The following ANK3 variants were observed in gnomAD, a reference collection of about 807,000 sequenced individuals.
ANK3 encodes the protein ankyrin 3.
ANK3 carries 57 observed loss-of-function variants against 370.9 expected under a neutral mutation model. The ratio of observed to expected loss-of-function variants is 0.15; its 90% CI spans 0.12 to 0.19. The LOEUF is 0.19. ANK3 is among the 10% of genes least tolerant of loss of function. The pLI, the probability that ANK3 is intolerant of heterozygous loss-of-function variation, is 1.00. For synonymous variants in ANK3, 1,929 were observed against 1,946.3 expected, an observed-to-expected ratio of 0.99 and a Z score of 0.23; for missense variants, 4,439 against 5,302.1, an observed-to-expected ratio of 0.84 and a Z score of 5.06.
chr10:60,636,232 T>A (rs2078552944), intron 1 of ANK3, among the ~76,000 whole-genome samples: 1 of 152,220 alleles, frequency 6.6e-6, no homozygotes, highest in South Asian at 2.1e-4. Flanking sequence ...CTTCTCTTTT[T>A]CTAAAAAAAA....
chr10:60,727,896 T>A (rs1268279288), intron 1 of ANK3, among the ~76,000 whole-genome samples: 1 of 152,200 alleles, frequency 6.6e-6, no homozygotes, highest in Admixed American at 6.5e-5. Context: ...TATTTATCTG[T>A]GCTTCCCCAT....
intron 1 of ANK3, among the ~76,000 whole-genome samples, chr10:60,357,454 A>C (rs2057936516): frequency 6.6e-6 from 1 of 151,850 alleles, no homozygotes; most frequent in South Asian, 2.1e-4. Context: ...TTTCCTCCTT[A>C]TCAGCTTATA....
chr10:60,336,564 G>GATCT (rs78424635), intron 1 of ANK3, among the ~76,000 whole-genome samples: 14,618 of 150,522 alleles, frequency 0.097, 777 homozygotes, highest in Middle Eastern at 0.19. Context: ...GGAATCTGGA[G>GATCT]ATCTATCTAT....
chr10:60,658,912 A>AAAAG (rs2078901382), intron 1 of ANK3, among the ~76,000 whole-genome samples: 1 of 147,112 alleles, frequency 6.8e-6, no homozygotes, highest in Admixed American at 6.9e-5. Context: ...GAAAGGAAAG[A>AAAAG]AAAGGAAAGG....
At chr10:60,348,025 C>CTTTG (rs989439393) in intron 1 of ANK3, among the ~76,000 whole-genome samples, 1 of 152,042 alleles carries the variant, frequency 6.6e-6, no homozygotes, top group African/African-American at 2.4e-5. Flanking sequence ...CCATGCTTTG[C>CTTTG]TTTGTTTGCT....
intron 2 of ANK3, among the ~76,000 whole-genome samples, chr10:60,427,761 T>C (rs1436600660): frequency 6.6e-6 from 1 of 152,160 alleles, no homozygotes; most frequent in African/African-American, 2.4e-5. Flanking sequence ...ACTGATGCCA[T>C]CCAATCTTCA....
chr10:60,375,697 A>G (rs1007879755), intron 1 of ANK3, among the ~76,000 whole-genome samples: 1 of 152,090 alleles, frequency 6.6e-6, no homozygotes, highest in Non-Finnish European at 1.5e-5. Flanking sequence ...ATTTCTTCCT[A>G]CTAGAAATTT....
intron 23 of ANK3, among the ~76,000 whole-genome samples, chr10:60,143,430 C>T (rs574284560): frequency 3.6e-4 from 55 of 152,238 alleles, no homozygotes; most frequent in African/African-American, 1.3e-3. Flanking sequence ...GCTTCTAACA[C>T]GTGTGTATAA....
intron 2 of ANK3, among the ~76,000 whole-genome samples, chr10:60,553,826 T>C (rs374673833): frequency 1.2e-4 from 18 of 152,366 alleles, no homozygotes; most frequent in African/African-American, 3.6e-4. Context: ...TCAGTTGCAA[T>C]GTTCTGCTCA....
intron 7 of ANK3, among the ~76,000 whole-genome samples, chr10:60,260,762 G>T (rs2097792061): frequency 1.3e-5 from 2 of 152,072 alleles, no homozygotes. Flanking sequence ...GCCATGTGAT[G>T]TGCCTGTCCC....
intron 7 of ANK3, among the ~76,000 whole-genome samples, chr10:60,240,135 T>TATATATACACATATATATAC (rs1411354019): frequency 1.5e-4 from 18 of 122,396 alleles, no homozygotes; most frequent in South Asian, 1.0e-3. Flanking sequence ...TATATATACA[T>TATATATACACATATATATAC]ATATATACAC....
chr10:60,634,549 T>G (rs1379828627), intron 1 of ANK3, among the ~76,000 whole-genome samples: 1 of 152,052 alleles, frequency 6.6e-6, no homozygotes, highest in East Asian at 1.9e-4. Flanking sequence ...ATCAGCTCTC[T>G]GTAAAATGGA....
At chr10:60,670,876 G>A (rs1317120853) in intron 1 of ANK3, among the ~76,000 whole-genome samples, 1 of 152,238 alleles carries the variant, frequency 6.6e-6, no homozygotes, top group Non-Finnish European at 1.5e-5. Context: ...GTTGGGAGAA[G>A]TCCCTGTTTT....
chr10:60,454,473 T>C (rs972898991), intron 2 of ANK3, among the ~76,000 whole-genome samples: 7 of 152,082 alleles, frequency 4.6e-5, no homozygotes, highest in African/African-American at 1.4e-4. Context: ...TTTAGAGCCC[T>C]GTGAAATTGT....
At chr10:60,678,461 T>C (rs1490612626) in intron 1 of ANK3, among the ~76,000 whole-genome samples, 1 of 152,148 alleles carries the variant, frequency 6.6e-6, no homozygotes, top group Admixed American at 6.5e-5. Flanking sequence ...TAAGATTATA[T>C]GTACATAAGC....
intron 18 of ANK3, among the ~76,000 whole-genome samples, chr10:60,174,831 G>A (rs144653871): frequency 3.6e-4 from 54 of 152,110 alleles, no homozygotes; most frequent in African/African-American, 1.2e-3. Flanking sequence ...CCCCTCCTGG[G>A]CTCAATCTAT....
chr10:60,042,124 C>T (rs183281001), intron 43 of ANK3, among the ~76,000 whole-genome samples: 135 of 152,342 alleles, frequency 8.9e-4, no homozygotes, highest in African/African-American at 3.1e-3. Context: ...ACTTACTAAA[C>T]ATTTAACTTA....
At chr10:60,630,242 AAATT>A (rs1325708439) in intron 1 of ANK3, among the ~76,000 whole-genome samples, 1 of 152,236 alleles carries the variant, frequency 6.6e-6, no homozygotes, top group Non-Finnish European at 1.5e-5. Flanking sequence ...TCTGTGAAAA[AAATT>A]AATACAGCTA....
intron 2 of ANK3, among the ~76,000 whole-genome samples, chr10:60,422,119 G>GT (rs1381821501): frequency 2.6e-5 from 4 of 151,998 alleles, no homozygotes; most frequent in Admixed American, 1.3e-4. Context: ...GCTTGCAGTA[G>GT]TTTTTAAATG....
Sources: gnomAD v4.1 joint callset for allele counts (sites outside exome capture counted in the v4.1 genomes callset) on GRCh38, gnomAD v4.1.1 for gene constraint, MANE v1.5 for transcripts, NCBI Gene and HGNC (gene_info 2026-07-23, HGNC 2026-07-21) for gene names.